The following SLC30A8 variants were observed in gnomAD, a reference collection of about 807,000 sequenced individuals.
SLC30A8 encodes the protein proton-coupled zinc antiporter SLC30A8.
Under a neutral mutation model 36.9 loss-of-function variants are expected in SLC30A8, and 27 were observed. The ratio of observed to expected loss-of-function variants is 0.73; its 90% CI spans 0.54 to 1.01. The LOEUF is 1.01. Among genes scored for constraint, SLC30A8 ranks in the 50% least tolerant of loss-of-function variants. The pLI is 0.00. For missense variants in SLC30A8, 439 were observed against 452.0 expected (o/e 0.97, Z 0.26); for synonymous variants, 164 against 172.4 (o/e 0.95, Z 0.38).
intron 1 of SLC30A8, among the ~76,000 whole-genome samples, chr8:116,951,707 A>C (rs76085424): frequency 6.6e-6 from 1 of 152,114 alleles, no homozygotes; most frequent in South Asian, 2.1e-4. Context: ...ATTGAACAGC[A>C]TGAATCTAAC....
intron 3 of SLC30A8, among the ~76,000 whole-genome samples, chr8:117,156,891 T>A (rs1161417317): frequency 1.2e-4 from 19 of 152,206 alleles, no homozygotes; most frequent in Non-Finnish European, 2.4e-4. Flanking sequence ...TCTCTGGGAT[T>A]AGCTTAAAGT....
chr8:116,995,026 A>T (rs981922832), intron 1 of SLC30A8, among the ~76,000 whole-genome samples: 5 of 152,058 alleles, frequency 3.3e-5, no homozygotes, highest in African/African-American at 1.2e-4. Context: ...GTAATTAGCA[A>T]GTTCATGGAA....
At chr8:117,038,346 T>C (rs147959886) in intron 1 of SLC30A8, among the ~76,000 whole-genome samples, 4 of 152,358 alleles carry the variant, frequency 2.6e-5, no homozygotes, top group Non-Finnish European at 4.4e-5. Flanking sequence ...ATAAGTTCTA[T>C]GCACTTAACA....
intron 1 of SLC30A8, among the ~76,000 whole-genome samples, chr8:116,954,095 A>G (rs796579463): frequency 1.2e-4 from 18 of 152,296 alleles, no homozygotes; most frequent in African/African-American, 4.3e-4. Context: ...ATTTTTGGTA[A>G]GTAATTGGAT....
chr8:117,131,271 CTT>C (rs1393261916), upstream of SLC30A8, among the ~76,000 whole-genome samples: 1 of 151,966 alleles, frequency 6.6e-6, no homozygotes, highest in Non-Finnish European at 1.5e-5. Context: ...TTTCTAATGT[CTT>C]TGTTTTCACA....
chr8:117,022,154 A>G (rs1327629983), intron 1 of SLC30A8, among the ~76,000 whole-genome samples: 2 of 151,748 alleles, frequency 1.3e-5, no homozygotes, highest in Admixed American at 1.3e-4. Flanking sequence ...GAGCCGAGAT[A>G]GCGCCACTGC....
chr8:117,099,565 A>G (rs1468152527), intron 2 of SLC30A8, among the ~76,000 whole-genome samples: 1 of 152,168 alleles, frequency 6.6e-6, no homozygotes, highest in Non-Finnish European at 1.5e-5. Flanking sequence ...AAGAAAGAAA[A>G]TATCTGGTGA....
intron 2 of SLC30A8, among the ~76,000 whole-genome samples, chr8:117,148,121 C>T (rs1821988393): frequency 6.6e-6 from 1 of 151,930 alleles, no homozygotes; most frequent in Non-Finnish European, 1.5e-5. Flanking sequence ...ATATAGGTAA[C>T]TGTTTTAAAC....
intron 1 of SLC30A8, among the ~76,000 whole-genome samples, chr8:117,021,381 C>T (rs937790269): frequency 4.6e-5 from 7 of 152,104 alleles, no homozygotes; most frequent in African/African-American, 1.7e-4. Flanking sequence ...TCTAAATGCA[C>T]CTTGTTTTCT....
chr8:116,955,340 T>C (rs1161541042), intron 1 of SLC30A8, among the ~76,000 whole-genome samples: 2 of 151,938 alleles, frequency 1.3e-5, no homozygotes, highest in African/African-American at 4.8e-5. Context: ...ATGCAAACAG[T>C]GGGAAGATGG....
intron 6 of SLC30A8, among the ~76,000 whole-genome samples, chr8:117,165,234 G>GTGT (rs761502269): frequency 2.0e-5 from 3 of 152,138 alleles, no homozygotes; most frequent in African/African-American, 7.2e-5. Flanking sequence ...CCACAATATA[G>GTGT]TGTTGTTGAG....
intron 1 of SLC30A8, among the ~76,000 whole-genome samples, chr8:117,142,257 CTTCT>C (rs895402390): frequency 1.8e-4 from 27 of 152,044 alleles, no homozygotes; most frequent in African/African-American, 4.8e-4. Context: ...AATATGACTA[CTTCT>C]TTCTATTTTT....
chr8:116,975,791 GGC>G (rs1814978902), intron 1 of SLC30A8, among the ~76,000 whole-genome samples: 1 of 152,192 alleles, frequency 6.6e-6, no homozygotes, highest in Non-Finnish European at 1.5e-5. Context: ...AGAGATTTGA[GGC>G]CAGCAAGGTT....
intron 2 of SLC30A8, among the ~76,000 whole-genome samples, chr8:117,042,634 G>A (rs1432313432): frequency 6.6e-6 from 1 of 151,812 alleles, no homozygotes; most frequent in Non-Finnish European, 1.5e-5. Context: ...ACTTGGAATA[G>A]GCTAAATAAT....
At chr8:117,130,695 A>T (rs1821095534), upstream of SLC30A8, among the ~76,000 whole-genome samples, 1 of 151,992 alleles carries the variant, frequency 6.6e-6, no homozygotes, top group Non-Finnish European at 1.5e-5. Context: ...CTTTTTATAT[A>T]AATAAAAAGA....
At chr8:117,124,548 T>C (rs138239575) in intron 2 of SLC30A8, among the ~76,000 whole-genome samples, 1 of 151,432 alleles carries the variant, frequency 6.6e-6, no homozygotes, top group East Asian at 2.0e-4. Context: ...CAAAAAGTAA[T>C]TCATATGACT....
At chr8:117,024,515 C>T (rs1174885876) in intron 1 of SLC30A8, among the ~76,000 whole-genome samples, 1 of 152,226 alleles carries the variant, frequency 6.6e-6, no homozygotes, top group Non-Finnish European at 1.5e-5. Flanking sequence ...GCATTTGCCA[C>T]CATGTGCTAT....
chr8:117,115,318 G>A (rs1343348813), intron 2 of SLC30A8, among the ~76,000 whole-genome samples: 2 of 151,950 alleles, frequency 1.3e-5, no homozygotes, highest in Admixed American at 6.6e-5. Flanking sequence ...TGAAAATAGC[G>A]AAAGGTTGTC....
chr8:117,055,910 A>G (rs1817856417), intron 2 of SLC30A8: 1 of 152,374 alleles, frequency 6.6e-6, no homozygotes, highest in Non-Finnish European at 1.5e-5. Context: ...GCTAATCCAG[A>G]TGCTTTTCTT....
Sources: gnomAD v4.1 joint callset for allele counts (sites outside exome capture counted in the v4.1 genomes callset) on GRCh38, gnomAD v4.1.1 for gene constraint, MANE v1.5 for transcripts, NCBI Gene and HGNC (gene_info 2026-07-23, HGNC 2026-07-21) for gene names.